UGT2B4: variants seen among roughly 807,000 people sequenced by gnomAD.
UGT2B4 encodes the protein UDP glucuronosyltransferase family 2 member B4, also known as UDP-glucuronosyltransferase 2B4.
UGT2B4 carries 49 observed loss-of-function variants against 49.8 expected under a neutral mutation model. That is an observed-to-expected ratio of 0.98 (90% CI 0.78 to 1.25). UGT2B4 has a LOEUF of 1.25. Among genes scored for constraint, UGT2B4 ranks in the 50% most tolerant of loss-of-function variants. The probability of loss-of-function intolerance (pLI) is 0.00; values close to 1 mark genes in which losing one functional copy is unlikely to be tolerated. For missense variants in UGT2B4, 729 were observed against 627.7 expected (o/e 1.16, Z -1.73); for synonymous variants, 246 against 217.7 (o/e 1.13, Z -1.14).
At chr4:69,493,538 G>T (rs1728055637) in intron 2 of UGT2B4, among the ~76,000 whole-genome samples, 155 bp downstream of exon 2, 2 of 152,064 alleles carry the variant, frequency 1.3e-5, no homozygotes, top group South Asian at 2.1e-4. Context: ...TCATAAACTT[G>T]TGATAGTATC....
At chr4:69,504,763 A>G (rs958196273) in intron 1 of UGT2B4, among the ~76,000 whole-genome samples, 1 of 152,034 alleles carries the variant, frequency 6.6e-6, no homozygotes, top group Non-Finnish European at 1.5e-5. Flanking sequence ...CCAGTAAGAT[A>G]CTCCATGAGA....
At chr4:69,503,184 G>T (rs1488773033) in intron 1 of UGT2B4, among the ~76,000 whole-genome samples, 5 of 152,174 alleles carry the variant, frequency 3.3e-5, no homozygotes, top group Non-Finnish European at 7.4e-5. Flanking sequence ...CACATCAGAT[G>T]AGGCTGGTTC....
At chr4:69,500,733 A>T (rs1324537779), upstream of UGT2B4, among the ~76,000 whole-genome samples, 1 of 152,104 alleles carries the variant, frequency 6.6e-6, no homozygotes, top group Admixed American at 6.5e-5. Context: ...AGCCAAGCAA[A>T]CATCCCTGAT....
chr4:69,491,736 T>C (rs1275989768), intron 2 of UGT2B4, among the ~76,000 whole-genome samples: 2 of 152,130 alleles, frequency 1.3e-5, no homozygotes, highest in Non-Finnish European at 2.9e-5. Context: ...TCCCTCTTAC[T>C]GGCACTGTCA....
intron 1 of UGT2B4, among the ~76,000 whole-genome samples, chr4:69,521,650 G>C (rs1352355704): frequency 6.6e-6 from 1 of 152,194 alleles, no homozygotes. Context: ...GGTAGCAAGA[G>C]CCAAGCGCAG....
At position 69,501,029 on chromosome 4, in the gene UGT2B4, A is replaced by G. The variant is rs28808041; in HGVS notation, c.-105-5063T>C. 4.6e-3 allele frequency among the ~76,000 whole-genome samples: 707 copies of G among 152,292 alleles called. 4 individuals are homozygous for G. The highest frequency in any genetic ancestry group is 7.0e-3 in the Non-Finnish European group (473 of 68,028). The stretch of plus-strand genomic sequence containing the variant: ...TATTCCTAGCAAAGAGGTTGAATTC[A>G]GGCGGCCACCTGCAAGCGCCACCCT... On this transcript the variant is annotated intron_variant, in intron 1 of 1. Transcript: ENST00000510114.
chr4:69,496,001 C>A (rs1728151791), upstream of UGT2B4: 2 of 1,338,304 alleles, frequency 1.5e-6, no homozygotes, highest in South Asian at 1.7e-5. Context: ...ACAGTCTGAG[C>A]ATGTGGATGA....
rs72552707 is a variant in UGT2B4 at position 69,485,332 on chromosome 4, A to G, written c.1186T>C (p.Phe396Leu). ...HGIPMVGVPL[F>L]ADQPDNIAHM... is the part of the protein sequence containing the mutation. ...GCAATGTTATCAGGTTGATCTGCAA[A>G]CAATGGAACGCCCACCATAGGGATT... is the stretch of plus-strand genomic sequence containing the variant. Residue 396 changes from phenylalanine (F) to leucine (L), a missense_variant, in exon 5 of 6, where the codon TTT (phenylalanine) becomes CTT (leucine). Physicochemically the swap from Phe to Leu is conservative, Grantham distance 22. Coordinates refer to ENST00000305107, the MANE Select transcript of UGT2B4 (RefSeq NM_021139.3). The G allele has an allele frequency of 6.2e-7, 1 of 1,614,080 alleles. No homozygotes were observed. Among genetic ancestry groups the G allele is most frequent in the Non-Finnish European group, 8.5e-7 (1 of 1,179,956 alleles).
intron 1 of UGT2B4, among the ~76,000 whole-genome samples, chr4:69,506,884 G>A (rs1728484064): frequency 1.3e-5 from 2 of 152,078 alleles, no homozygotes; most frequent in East Asian, 1.9e-4. Flanking sequence ...CCATGATCAA[G>A]TAGGCATTAT....
At chr4:69,519,899 C>A (rs1728808778) in intron 1 of UGT2B4, among the ~76,000 whole-genome samples, 1 of 152,148 alleles carries the variant, frequency 6.6e-6, no homozygotes, top group Non-Finnish European at 1.5e-5. Context: ...ATGACTATTG[C>A]TCTGTCCCAC....
chr4:69,510,745 T>C (rs1332149887), intron 1 of UGT2B4, among the ~76,000 whole-genome samples: 2 of 152,086 alleles, frequency 1.3e-5, no homozygotes, highest in African/African-American at 4.8e-5. Flanking sequence ...TTTTCACATA[T>C]AATATCATGT....
At chr4:69,483,816 A>G (rs1357468367) in intron 5 of UGT2B4, among the ~76,000 whole-genome samples, 2 of 152,190 alleles carry the variant, frequency 1.3e-5, no homozygotes, top group African/African-American at 4.8e-5. Flanking sequence ...CTCACTAAAA[A>G]TAAAATTTGT....
chr4:69,521,355 A>G (rs1728845213), intron 1 of UGT2B4, among the ~76,000 whole-genome samples: 2 of 152,056 alleles, frequency 1.3e-5, no homozygotes, highest in Admixed American at 6.5e-5. Context: ...GGACGTGACA[A>G]CCTCTTTGGG....
At chr4:69,511,816 T>C (rs975652631) in intron 1 of UGT2B4, among the ~76,000 whole-genome samples, 1 of 152,150 alleles carries the variant, frequency 6.6e-6, no homozygotes, top group Non-Finnish European at 1.5e-5. Context: ...GAAGTTTTGA[T>C]TACTAATTCA....
chr4:69,508,834 G>T (rs1288605032), intron 1 of UGT2B4, among the ~76,000 whole-genome samples: 7 of 152,134 alleles, frequency 4.6e-5, no homozygotes. Context: ...ACCTGTACAT[G>T]CACCCCTGAA....
chr4:69,505,692 A>G (rs1408880879), intron 1 of UGT2B4, among the ~76,000 whole-genome samples: 1 of 152,120 alleles, frequency 6.6e-6, no homozygotes, highest in Non-Finnish European at 1.5e-5. Context: ...TAGGATATGA[A>G]CTCAGCAGTA....
Position 69,495,754 on chromosome 4 carries a change from C to G in UGT2B4, c.108G>C (p.Trp36Cys). The change falls in exon 1 of 6, where the codon TGG (tryptophan) becomes TGC (cysteine). Residue 36 changes from tryptophan to cysteine, a missense_variant. By Grantham distance (215) the Trp-to-Cys change is radical. Coordinates refer to ENST00000305107, the MANE Select transcript of UGT2B4 (RefSeq NM_021139.3). ...CATCCAGGATTGTCTTTATATTCATCCAGTGGCTGAATTCTGTGGGCCACA... is the reference window on the plus strand; with the variant it reads ...CATCCAGGATTGTCTTTATATTCATGCAGTGGCTGAATTCTGTGGGCCACA... ...VLVWPTEFSH[W>C]MNIKTILDEL... is the part of the protein sequence containing the mutation. 2 of 1,614,020 alleles carry G rather than the reference C, an allele frequency of 1.2e-6. No homozygotes were observed. Among genetic ancestry groups the G allele is most frequent in the Non-Finnish European group, 1.7e-6 (2 of 1,179,936 alleles).
intron 2 of UGT2B4, 38 bp downstream of exon 2, chr4:69,493,655 A>C (rs746968631): frequency 1.3e-6 from 2 of 1,581,866 alleles, no homozygotes; most frequent in South Asian, 1.2e-5. Flanking sequence ...ATTCGTACTG[A>C]AACTTCAAAG....
In UGT2B4 at chr4:69,490,626, T is replaced by G. The variant is rs573780885; in HGVS notation, c.871-1056A>C. 9.2e-5 allele frequency among the ~76,000 whole-genome samples: 14 copies of G among 152,278 alleles called. 1 individual carries two copies. The South Asian group carries it at 2.3e-3, about 25-fold the overall frequency. ...TCAGATTTAATCATTGGGGTAAAACTTTTTCTTAAGTGTTCTCTACAAAAC... is the reference window on the plus strand; with the variant it reads ...TCAGATTTAATCATTGGGGTAAAACGTTTTCTTAAGTGTTCTCTACAAAAC... On this transcript the variant is annotated intron_variant, in intron 2 of 5. Coordinates refer to ENST00000305107, the MANE Select transcript of UGT2B4 (RefSeq NM_021139.3).
Sources: allele counts gnomAD v4.1 joint callset (sites outside exome capture counted in the v4.1 genomes callset), GRCh38; gene constraint gnomAD v4.1.1; transcripts MANE v1.5; gene names NCBI Gene and HGNC (gene_info 2026-07-23, HGNC 2026-07-21).